SKAP1: variants seen among roughly 807,000 people sequenced by gnomAD.
SKAP1 encodes src kinase-associated phosphoprotein 1.
SKAP1 carries 44 observed loss-of-function variants against 58.5 expected under a neutral mutation model. The observed-to-expected ratio is 0.75, with a 90% CI of 0.59 to 0.97. SKAP1 has a LOEUF of 0.97. SKAP1 is among the 50% of genes least tolerant of loss of function. SKAP1 has a pLI of 0.00. For synonymous variants in SKAP1, 127 were observed against 149.7 expected (o/e 0.85, Z 1.11); for missense variants, 390 against 435.2 (o/e 0.90, Z 0.92).
At chr17:48,318,821 C>A (rs537917373) in intron 4 of SKAP1, among the ~76,000 whole-genome samples, 1 of 152,312 alleles carries the variant, frequency 6.6e-6, no homozygotes, top group East Asian at 1.9e-4. Flanking sequence ...GTCATGATTG[C>A]ACCACTGTTT....
rs371944828 is a variant in SKAP1 at position 48,206,900 on chromosome 17, TC to T, written c.281-17401del. On this transcript the variant is annotated intron_variant, in intron 4 of 12. Transcript: ENST00000336915. ...TCAAACTCCTGGGCTCAAGTAATCT[TC>T]CCACTTTAGCCTCCCAAGGGACTAC... Among the ~76,000 whole-genome samples, 97 of 152,324 alleles carry T rather than the reference TC, an allele frequency of 6.4e-4. 1 individual carries two copies. In the East Asian group the frequency reaches 0.018, roughly 28 times the overall value.
intron 10 of SKAP1, among the ~76,000 whole-genome samples, chr17:48,165,236 T>G (rs1215897564): frequency 6.6e-6 from 1 of 152,086 alleles, no homozygotes; most frequent in Non-Finnish European, 1.5e-5. Context: ...AGAGATAAGT[T>G]GGAGGAGGGC....
chr17:48,180,429 C>A (rs2064353190), intron 8 of SKAP1, among the ~76,000 whole-genome samples, 181 bp from the exon 9 acceptor site: 1 of 152,124 alleles, frequency 6.6e-6, no homozygotes, highest in East Asian at 1.9e-4. Context: ...ACAGAAAAGG[C>A]CAGAATAGCA....
intron 4 of SKAP1, among the ~76,000 whole-genome samples, chr17:48,307,149 T>C (rs1006571459): frequency 3.3e-5 from 5 of 152,232 alleles, no homozygotes; most frequent in Non-Finnish European, 7.3e-5. Context: ...GTCTTTTCCA[T>C]TAACTTTTAT....
intron 3 of SKAP1, among the ~76,000 whole-genome samples, chr17:48,352,533 G>A (rs2066815527): frequency 6.6e-6 from 1 of 152,070 alleles, no homozygotes; most frequent in African/African-American, 2.4e-5. Context: ...TTGGGCCACT[G>A]TATTCTCAGT....
intron 4 of SKAP1, among the ~76,000 whole-genome samples, chr17:48,292,610 T>C (rs2065912381): frequency 6.6e-6 from 1 of 152,200 alleles, no homozygotes; most frequent in Admixed American, 6.5e-5. Flanking sequence ...GGAAGTTCTG[T>C]CAGAACACCT....
At chr17:48,264,745 A>AACACACACACACAC (rs55733017) in intron 4 of SKAP1, among the ~76,000 whole-genome samples, 1,601 of 142,788 alleles carry the variant, frequency 0.011, 20 homozygotes, top group Middle Eastern at 0.025. Context: ...AAATCTACAA[A>AACACACACACACAC]ACACACACAC....
chr17:48,329,276 A>G (rs1263545161), intron 4 of SKAP1, among the ~76,000 whole-genome samples: 1 of 152,262 alleles, frequency 6.6e-6, no homozygotes, highest in East Asian at 1.9e-4. Context: ...AAGAAATTAT[A>G]TAAGTGCCTA....
intron 4 of SKAP1, among the ~76,000 whole-genome samples, chr17:48,299,852 A>C (rs987946260): frequency 6.6e-6 from 1 of 152,060 alleles, no homozygotes; most frequent in Non-Finnish European, 1.5e-5. Flanking sequence ...GAGTGGGTGG[A>C]TGGGAGGATG....
chr17:48,265,540 A>G (rs1350533539), intron 4 of SKAP1, among the ~76,000 whole-genome samples: 2 of 150,860 alleles, frequency 1.3e-5, no homozygotes, highest in Non-Finnish European at 3.0e-5. Flanking sequence ...AAGCTATGAC[A>G]CTGTGGTGTG....
At chr17:48,171,734 A>AGTGT (rs3221423) in intron 9 of SKAP1, among the ~76,000 whole-genome samples, 61,580 of 148,818 alleles carry the variant, frequency 0.41, 13,053 homozygotes, top group East Asian at 0.6. Context: ...AGGATGTTAG[A>AGTGT]GTGTGTGTGT....
At chr17:48,189,039 T>C (rs1200650817) in intron 5 of SKAP1, among the ~76,000 whole-genome samples, 1 of 152,114 alleles carries the variant, frequency 6.6e-6, no homozygotes, top group Non-Finnish European at 1.5e-5. Flanking sequence ...GTTGGGTTTA[T>C]CTGAAATTTG....
At chr17:48,443,860 C>A in the SKAP1 span, among the ~76,000 whole-genome samples, 1 of 151,784 alleles carries the variant, frequency 6.6e-6, no homozygotes, top group Non-Finnish European at 1.5e-5. Context: ...CTCAAGTATA[C>A]CATTCACTTG....
At chr17:48,211,633 T>G (rs550425044) in intron 4 of SKAP1, among the ~76,000 whole-genome samples, 1 of 152,344 alleles carries the variant, frequency 6.6e-6, no homozygotes, top group African/African-American at 2.4e-5. Context: ...ATCATAAGCA[T>G]GTAATCTGCC....
intron 4 of SKAP1, among the ~76,000 whole-genome samples, chr17:48,247,872 C>T (rs978662919): frequency 6.6e-6 from 1 of 152,106 alleles, no homozygotes; most frequent in African/African-American, 2.4e-5. Flanking sequence ...ATTACAATGA[C>T]CTGCTTATTT....
chr17:48,268,067 C>A (rs2065577044), intron 4 of SKAP1, among the ~76,000 whole-genome samples: 1 of 151,916 alleles, frequency 6.6e-6, no homozygotes, highest in Non-Finnish European at 1.5e-5. Flanking sequence ...TGAATCTCAT[C>A]AAATCCTCGA....
Position 48,253,134 on chromosome 17 carries a change from C to G in SKAP1, c.281-63634G>C, listed in dbSNP as rs182962917. Among the ~76,000 whole-genome samples, 39 of 152,180 alleles carry G rather than the reference C, an allele frequency of 2.6e-4. No homozygotes were observed. In the East Asian group the frequency reaches 7.0e-3, roughly 27 times the overall value. ...AGGTTGTGAGCCATCCTAGCTCTTA[C>G]TAAAGGGGGGCTGTCAATCTTTCTC... On this transcript the variant is annotated intron_variant, in intron 4 of 12. Transcript: ENST00000336915.
intron 4 of SKAP1, among the ~76,000 whole-genome samples, chr17:48,208,577 A>G (rs1291117280): frequency 6.6e-6 from 1 of 152,210 alleles, no homozygotes; most frequent in East Asian, 1.9e-4. Flanking sequence ...ATGAAGTATG[A>G]AACTCCAACA....
intron 2 of SKAP1, among the ~76,000 whole-genome samples, chr17:48,376,161 G>A (rs1264650095): frequency 6.6e-6 from 1 of 152,068 alleles, no homozygotes; most frequent in Non-Finnish European, 1.5e-5. Flanking sequence ...GCTTGCTTCA[G>A]GTTAACAGCT....
Sources: gnomAD v4.1 joint callset for allele counts (sites outside exome capture counted in the v4.1 genomes callset) on GRCh38, gnomAD v4.1.1 for gene constraint, MANE v1.5 for transcripts, NCBI Gene and HGNC (gene_info 2026-07-23, HGNC 2026-07-21) for gene names.